The following NFAM1 variants were observed in gnomAD, a reference collection of about 807,000 sequenced individuals.
NFAM1 encodes the protein NFAT activation molecule 1.
In NFAM1, 17 loss-of-function variants were observed where a neutral mutation model predicts 29.0. The ratio of observed to expected loss-of-function variants is 0.59; its 90% CI spans 0.40 to 0.88. NFAM1 has a LOEUF of 0.88. Among genes scored for constraint, NFAM1 ranks in the 40% least tolerant of loss-of-function variants. The pLI is 0.00. For synonymous variants in NFAM1, 175 were observed against 147.2 expected (o/e 1.19, Z -1.36); for missense variants, 324 against 344.6 (o/e 0.94, Z 0.47).
At chr22:42,411,271 G>A (rs547703740) in intron 2 of NFAM1, 136 bp downstream of exon 2, 40 of 663,566 alleles carry the variant, frequency 6.0e-5, no homozygotes, top group Non-Finnish European at 9.3e-5. Flanking sequence ...TGATCCACCC[G>A]CCTCAGCCTC....
intron 1 of NFAM1, among the ~76,000 whole-genome samples, chr22:42,414,245 C>T (rs117072090): frequency 2.0e-5 from 3 of 152,156 alleles, no homozygotes; most frequent in African/African-American, 7.2e-5. Context: ...CTCCAGGGCT[C>T]CCCTCTGGTG....
At chr22:42,385,607 G>A (rs928510388) in intron 5 of NFAM1, among the ~76,000 whole-genome samples, 2 of 137,670 alleles carry the variant, frequency 1.5e-5, no homozygotes, top group Non-Finnish European at 3.1e-5. Context: ...TCCCCACCCT[G>A]GCTGGTCCCT....
intron 1 of NFAM1, among the ~76,000 whole-genome samples, chr22:42,427,970 TGA>T (rs1382668960): frequency 2.6e-5 from 4 of 152,202 alleles, no homozygotes; most frequent in Non-Finnish European, 5.9e-5. Flanking sequence ...CTTGACCTGG[TGA>T]GAGTCACACA....
intron 4 of NFAM1, among the ~76,000 whole-genome samples, chr22:42,392,139 A>G (rs1263147475): frequency 6.6e-6 from 1 of 152,096 alleles, no homozygotes; most frequent in African/African-American, 2.4e-5. Context: ...ATGAAGAAGA[A>G]AAAGGGTCCC....
chr22:42,420,392 A>T (rs1220963018), intron 1 of NFAM1, among the ~76,000 whole-genome samples: 2 of 152,186 alleles, frequency 1.3e-5, no homozygotes, highest in Non-Finnish European at 2.9e-5. Context: ...GGATCACCTG[A>T]GCCTGGGAGT....
At chr22:42,401,142 G>T (rs1458383166) in intron 3 of NFAM1, among the ~76,000 whole-genome samples, 1 of 152,250 alleles carries the variant, frequency 6.6e-6, no homozygotes, top group Admixed American at 6.5e-5. Flanking sequence ...GGGGCCCCAA[G>T]TCTGCAGGGG....
intron 4 of NFAM1, among the ~76,000 whole-genome samples, chr22:42,391,599 G>C (rs563303768): frequency 2.6e-5 from 4 of 152,120 alleles, no homozygotes; most frequent in Non-Finnish European, 5.9e-5. Context: ...CAACGGGAAG[G>C]ATGGAGCAGC....
At chr22:42,390,673 C>T (rs1347864750) in intron 4 of NFAM1, among the ~76,000 whole-genome samples, 8 of 152,042 alleles carry the variant, frequency 5.3e-5, no homozygotes, top group South Asian at 2.1e-4. Flanking sequence ...AAAAATTAGC[C>T]GGGCGTGGTG....
rs957813026 is a variant in NFAM1, at chr22:42,381,686, C to T, written c.*3475G>A. ...TGGAAGGTCCACAGCTCCCCTTCACCTAGGCCTCACCTACTCCACTCAAGC... is the reference window on the plus strand; with the variant it reads ...TGGAAGGTCCACAGCTCCCCTTCACTTAGGCCTCACCTACTCCACTCAAGC... On this transcript the variant is annotated 3_prime_UTR_variant, in exon 6 of 6. Transcript: ENST00000329021. 6.5e-6 allele frequency: 1 copy of T among 153,308 alleles called. No individual in the cohort carries two copies. Among genetic ancestry groups the T allele is most frequent in the African/African-American group, 2.4e-5 (1 of 41,456 alleles). 9.5% of individuals were successfully genotyped at this position (153,308 alleles called of 1,614,324 possible).
At chr22:42,437,096 C>A, upstream of NFAM1, 1 of 499,940 alleles carries the variant, frequency 2.0e-6, no homozygotes, top group Non-Finnish European at 2.6e-6. Context: ...TCTTCAAGAT[C>A]TGGAAGAAAC....
chr22:42,428,054 C>G (rs991809830), intron 1 of NFAM1, among the ~76,000 whole-genome samples: 1 of 152,246 alleles, frequency 6.6e-6, no homozygotes, highest in Non-Finnish European at 1.5e-5. Context: ...ACAGAGGAGA[C>G]AGCAGTGAGA....
At chr22:42,397,069 T>C (rs1929554143) in intron 4 of NFAM1, among the ~76,000 whole-genome samples, 1 of 149,548 alleles carries the variant, frequency 6.7e-6, no homozygotes, top group Admixed American at 6.7e-5. Context: ...CAGCTGGCAC[T>C]GGGTGGCATT....
chr22:42,411,019 CTTTTTTT>C (rs138369373), intron 2 of NFAM1, among the ~76,000 whole-genome samples: 35,749 of 121,736 alleles, frequency 0.29, 4,877 homozygotes, highest in South Asian at 0.45. Context: ...CTTTTCTTTT[CTTTTTTT>C]TTTTTTTTTT....
At chr22:42,390,880 G>A (rs1427248058) in intron 4 of NFAM1, among the ~76,000 whole-genome samples, 7 of 151,982 alleles carry the variant, frequency 4.6e-5, no homozygotes, top group Admixed American at 6.5e-5. Context: ...ACCCTGGGGC[G>A]GAGGGAATAG....
chr22:42,400,325 AACAG>A (rs1161836421), intron 3 of NFAM1, among the ~76,000 whole-genome samples: 34 of 152,266 alleles, frequency 2.2e-4, no homozygotes, highest in African/African-American at 8.2e-4. Flanking sequence ...TTGCCCGTTT[AACAG>A]ACAGGGGGCC....
intron 2 of NFAM1, chr22:42,410,617 C>G: frequency 4.7e-6 from 1 of 210,598 alleles, no homozygotes; most frequent in South Asian, 4.5e-5. Flanking sequence ...CAAGATTGGG[C>G]CAGTGCACTT....
At chr22:42,386,938 G>A in intron 5 of NFAM1, 51 bp downstream of exon 5, 1 of 996,134 alleles carries the variant, frequency 1.0e-6, no homozygotes, top group Non-Finnish European at 1.5e-6. Context: ...CCAGTGATGG[G>A]AGGGTCAGAT....
chr22:42,424,388 C>A (rs1930552939), intron 1 of NFAM1, among the ~76,000 whole-genome samples: 1 of 151,288 alleles, frequency 6.6e-6, no homozygotes. Flanking sequence ...GCACTCCAGC[C>A]TAGGGGATAG....
In NFAM1 at chr22:42,387,030, C is replaced by T; in HGVS notation, c.712G>A (p.Asp238Asn). 1 of 1,585,918 alleles carries T rather than the reference C, an allele frequency of 6.3e-7. No individual in the cohort carries two copies. The highest frequency in any genetic ancestry group is 8.6e-7 in the Non-Finnish European group (1 of 1,166,960). ...TGCTTGGCGGTGGGTGAGCTGCCAT[C>T]CTCATTCTCGATGCAGGCATAGACC... Reference protein sequence around the residue: ...TEVYACIENEDGSSPTAKQSP... With the variant: ...TEVYACIENENGSSPTAKQSP... Residue 238 changes from aspartate to asparagine, a missense_variant, in exon 5 of 6, where the codon GAT becomes AAT. By Grantham distance (23) the Asp-to-Asn change is conservative. Transcript: ENST00000329021.
Sources: gnomAD v4.1 joint callset for allele counts (sites outside exome capture counted in the v4.1 genomes callset) on GRCh38, gnomAD v4.1.1 for gene constraint, MANE v1.5 for transcripts, NCBI Gene and HGNC (gene_info 2026-07-23, HGNC 2026-07-21) for gene names.